The following NFATC3 variants were observed in gnomAD, a reference collection of about 807,000 sequenced individuals.
NFATC3 encodes nuclear factor of activated T cells 3.
Under a neutral mutation model 98.6 loss-of-function variants are expected in NFATC3, and 46 were observed. The ratio of observed to expected loss-of-function variants is 0.47; its 90% CI spans 0.37 to 0.60. The LOEUF (loss-of-function observed/expected upper bound fraction) is 0.60, where lower values mean the gene tolerates loss of function less well. NFATC3 is among the 20% of genes least tolerant of loss of function. The probability of loss-of-function intolerance (pLI) is 0.00; values close to 1 mark genes in which losing one functional copy is unlikely to be tolerated. For missense variants in NFATC3, 1,256 were observed against 1,295.5 expected (o/e 0.97, Z 0.47); for synonymous variants, 512 against 472.2 (o/e 1.08, Z -1.09).
intron 3 of NFATC3, among the ~76,000 whole-genome samples, chr16:68,137,873 G>A (rs1223448559): frequency 1.3e-5 from 2 of 151,908 alleles, no homozygotes; most frequent in Non-Finnish European, 1.5e-5. Context: ...TCCTCGGTCG[G>A]CCTCCCAAAG....
intron 3 of NFATC3, chr16:68,138,479 T>G: frequency 8.0e-7 from 1 of 1,257,158 alleles, no homozygotes; most frequent in Non-Finnish European, 1.0e-6. Context: ...TTTAAAAGTT[T>G]ATTTTGCATT....
chr16:68,109,547 T>C (rs372236942), intron 1 of NFATC3, among the ~76,000 whole-genome samples: 1 of 152,216 alleles, frequency 6.6e-6, no homozygotes, highest in East Asian at 1.9e-4. Context: ...TTTTTTGTTA[T>C]ATCTCTTTCA....
intron 9 of NFATC3, among the ~76,000 whole-genome samples, chr16:68,222,901 T>G (rs1252847080): frequency 6.6e-6 from 1 of 152,214 alleles, no homozygotes; most frequent in African/African-American, 2.4e-5. Context: ...CAAGACTAGC[T>G]CGTAGAACCC....
chr16:68,178,761 A>G (rs1388650570), intron 6 of NFATC3, among the ~76,000 whole-genome samples: 1 of 152,228 alleles, frequency 6.6e-6, no homozygotes, highest in Non-Finnish European at 1.5e-5. Context: ...TCATCTGTGC[A>G]TGAATACAAT....
At chr16:68,196,658 C>T (rs540429809) in intron 9 of NFATC3, among the ~76,000 whole-genome samples, 3 of 151,702 alleles carry the variant, frequency 2.0e-5, no homozygotes, top group Admixed American at 2.0e-4. Flanking sequence ...CGCACCACTG[C>T]GCTCCAGCCT....
At chr16:68,120,635 C>T (rs887674146) in intron 1 of NFATC3, among the ~76,000 whole-genome samples, 1 of 150,468 alleles carries the variant, frequency 6.6e-6, no homozygotes, top group Non-Finnish European at 1.5e-5. Context: ...CCCAGCTACT[C>T]AGGAGACTGA....
chr16:68,123,202 A>G, intron 2 of NFATC3, 81 bp downstream of exon 2: 1 of 1,410,918 alleles, frequency 7.1e-7, no homozygotes, highest in Non-Finnish European at 9.4e-7. Context: ...TCAGTATATA[A>G]TGGTTATATA....
intron 3 of NFATC3, among the ~76,000 whole-genome samples, chr16:68,149,860 A>C (rs564970892): frequency 6.6e-6 from 1 of 152,352 alleles, no homozygotes; most frequent in African/African-American, 2.4e-5. Flanking sequence ...ACAAAGGGGA[A>C]AAGTTGTCTG....
At position 68,165,097 on chromosome 16, in the gene NFATC3, A is replaced by G. The variant is rs532584762; in HGVS notation, c.1602-1746A>G. Among the ~76,000 whole-genome samples, 12 of 152,222 alleles carry G rather than the reference A, an allele frequency of 7.9e-5. No homozygotes were observed. The East Asian group carries it at 1.2e-3, about 15-fold the overall frequency. On this transcript the variant is annotated intron_variant, in intron 4 of 9. Transcript: ENST00000346183. ...CTAGTATGCCTTTGCTCAGTACTTA[A>G]TAACACAGATGATCTCTGCTATTTC...
chr16:68,153,130 C>T (rs990699896), intron 3 of NFATC3, among the ~76,000 whole-genome samples: 8 of 152,206 alleles, frequency 5.3e-5, no homozygotes, highest in Non-Finnish European at 1.5e-5. Context: ...GGTACCGTGG[C>T]TCACGCCTGT....
chr16:68,117,045 T>C (rs1174147314), intron 1 of NFATC3, among the ~76,000 whole-genome samples: 1 of 152,238 alleles, frequency 6.6e-6, no homozygotes, highest in Non-Finnish European at 1.5e-5. Context: ...TTCCTGCTTC[T>C]AATCTGTGGA....
At chr16:68,195,842 A>G (rs1210035530) in intron 9 of NFATC3, among the ~76,000 whole-genome samples, 1 of 152,032 alleles carries the variant, frequency 6.6e-6, no homozygotes, top group Non-Finnish European at 1.5e-5. Context: ...AGGACAGAAA[A>G]AACTGAAACG....
intron 1 of NFATC3, among the ~76,000 whole-genome samples, chr16:68,108,033 G>A (rs2035755948): frequency 6.6e-6 from 1 of 151,574 alleles, no homozygotes; most frequent in African/African-American, 2.4e-5. Flanking sequence ...CCTGTTCACT[G>A]TGATGATAGT....
chr16:68,158,096 A>G (rs776898384), intron 4 of NFATC3, 28 bp downstream of exon 4: 56 of 1,493,322 alleles, frequency 3.8e-5, no homozygotes, highest in Non-Finnish European at 8.2e-6. Flanking sequence ...TAAAATGTGC[A>G]GTTCTTTTTT....
intron 9 of NFATC3, among the ~76,000 whole-genome samples, chr16:68,222,855 G>A (rs1014643754): frequency 6.6e-6 from 1 of 152,186 alleles, no homozygotes; most frequent in African/African-American, 2.4e-5. Context: ...GTCACGCACA[G>A]AGATTTGTGG....
At chr16:68,188,123 A>C (rs2040285631) in intron 8 of NFATC3, among the ~76,000 whole-genome samples, 1 of 152,174 alleles carries the variant, frequency 6.6e-6, no homozygotes, top group Admixed American at 6.5e-5. Flanking sequence ...GCTGGGTTGC[A>C]ACATCACCCA....
At chr16:68,089,440 A>G in intron 1 of NFATC3, 1 of 286,956 alleles carries the variant, frequency 3.5e-6, no homozygotes, top group Non-Finnish European at 5.2e-6. Context: ...TTTCTTATTT[A>G]TTTATTTTTT....
intron 9 of NFATC3, among the ~76,000 whole-genome samples, chr16:68,193,671 C>G (rs1360808942): frequency 6.6e-6 from 1 of 151,870 alleles, no homozygotes; most frequent in Non-Finnish European, 1.5e-5. Flanking sequence ...GACCCTGTCT[C>G]TAAAAAAAAT....
intron 3 of NFATC3, among the ~76,000 whole-genome samples, chr16:68,135,234 G>A (rs993152893): frequency 5.9e-5 from 9 of 151,926 alleles, no homozygotes; most frequent in Admixed American, 2.0e-4. Context: ...CGAGATGGAC[G>A]GATCATAAGG....
Sources: allele counts gnomAD v4.1 joint callset (sites outside exome capture counted in the v4.1 genomes callset), GRCh38; gene constraint gnomAD v4.1.1; transcripts MANE v1.5; gene names NCBI Gene and HGNC (gene_info 2026-07-23, HGNC 2026-07-21).